Variants in PDE4B observed in about 807,000 individuals in gnomAD.
PDE4B encodes phosphodiesterase 4B, also known as 3',5'-cyclic-AMP phosphodiesterase 4B.
PDE4B carries 20 observed loss-of-function variants against 82.2 expected under a neutral mutation model. The ratio of observed to expected loss-of-function variants is 0.24; its 90% CI spans 0.17 to 0.35. The LOEUF (loss-of-function observed/expected upper bound fraction) is 0.35. Ranked by LOEUF, PDE4B falls within the 10% of genes least tolerant of loss-of-function variation. The pLI, the probability that PDE4B is intolerant of heterozygous loss-of-function variation, is 1.00. For missense variants in PDE4B, 655 were observed against 907.2 expected (o/e 0.72, Z 3.57); for synonymous variants, 320 against 318.9 (o/e 1.00, Z -0.04).
At chr1:65,883,607 G>T (rs1270030985) in intron 1 of PDE4B, among the ~76,000 whole-genome samples, 4 of 152,230 alleles carry the variant, frequency 2.6e-5, no homozygotes, top group Admixed American at 1.3e-4. Flanking sequence ...TGCAAACAGG[G>T]AGAATTTGAC....
chr1:65,945,129 T>C (rs944327241), intron 3 of PDE4B, among the ~76,000 whole-genome samples: 1 of 151,986 alleles, frequency 6.6e-6, no homozygotes, highest in African/African-American at 2.4e-5. Context: ...TAGAACCACA[T>C]AATGGCTATT....
rs566782139 is a variant in PDE4B, at chr1:66,176,375, G to A, written c.282-71085G>A. On this transcript the variant is annotated intron_variant, in intron 3 of 16. Transcript: ENST00000341517. Reference sequence around the variant, plus strand: ...TCCACTCTTGGAACATTCCCTGCCTGAGATCACAGCTACCCAAAGCAAGCT... The same window carrying A: ...TCCACTCTTGGAACATTCCCTGCCTAAGATCACAGCTACCCAAAGCAAGCT... Among the ~76,000 whole-genome samples, 108 of 152,332 alleles carry A rather than the reference G, an allele frequency of 7.1e-4. 1 individual carries two copies. Among genetic ancestry groups the A allele is most frequent in the African/African-American group, 2.5e-3 (103 of 41,572 alleles).
At chr1:66,101,697 A>C (rs1420502145) in intron 3 of PDE4B, among the ~76,000 whole-genome samples, 2 of 151,706 alleles carry the variant, frequency 1.3e-5, no homozygotes, top group African/African-American at 2.4e-5. Context: ...TTTTCTTGTT[A>C]ATTTGTTTGA....
At chr1:66,169,670 T>C (rs1310984879) in intron 3 of PDE4B, among the ~76,000 whole-genome samples, 1 of 152,120 alleles carries the variant, frequency 6.6e-6, no homozygotes, top group Non-Finnish European at 1.5e-5. Context: ...ATTTGATTAA[T>C]CAGATCACTG....
chr1:66,150,914 T>C (rs917481216), intron 3 of PDE4B, among the ~76,000 whole-genome samples: 1 of 152,176 alleles, frequency 6.6e-6, no homozygotes, highest in Non-Finnish European at 1.5e-5. Flanking sequence ...TGCTTTTATA[T>C]GCTGCTGTAT....
chr1:66,158,988 C>T (rs1253384510), intron 3 of PDE4B, among the ~76,000 whole-genome samples: 1 of 152,152 alleles, frequency 6.6e-6, no homozygotes, highest in Non-Finnish European at 1.5e-5. Flanking sequence ...AGGGTACAAA[C>T]TTACAGTTAG....
At chr1:65,816,179 A>G (rs1301523085) in intron 1 of PDE4B, among the ~76,000 whole-genome samples, 1 of 123,622 alleles carries the variant, frequency 8.1e-6, no homozygotes, top group Non-Finnish European at 1.7e-5. Flanking sequence ...GTTTTTAGTG[A>G]TTATTAATGC....
At chr1:65,807,756 T>G (rs544256002) in intron 1 of PDE4B, among the ~76,000 whole-genome samples, 67 of 152,336 alleles carry the variant, frequency 4.4e-4, no homozygotes, top group African/African-American at 1.3e-3. Flanking sequence ...TTCAATGTGA[T>G]GTGGTGTCCT....
intron 3 of PDE4B, among the ~76,000 whole-genome samples, chr1:66,064,686 G>A (rs1500961): frequency 0.52 from 79,555 of 151,616 alleles, 20,980 homozygotes; most frequent in East Asian, 0.59. Context: ...TGGAAACTTA[G>A]GGTTGCAGTG....
intron 3 of PDE4B, among the ~76,000 whole-genome samples, chr1:66,038,358 T>C (rs1038531238): frequency 6.6e-6 from 1 of 152,162 alleles, no homozygotes; most frequent in Non-Finnish European, 1.5e-5. Flanking sequence ...ACCGAAGCCA[T>C]AGAACCACAT....
In PDE4B at chr1:66,354,098, A is replaced by G. The variant is rs906089717; in HGVS notation, c.748-1429A>G. On this transcript the variant is annotated intron_variant, in intron 8 of 16. Coordinates refer to ENST00000341517, the MANE Select transcript of PDE4B (RefSeq NM_002600.4). ...TGGCACACGCTTGGTGTGTGCGACA[A>G]ATAATCCTCCAAAAAGCTAGTTCAC... Among the ~76,000 whole-genome samples the G allele has an allele frequency of 2.6e-5, 4 of 152,232 alleles. No homozygotes were observed. In the East Asian group the frequency reaches 7.7e-4, roughly 29 times the overall value.
At chr1:65,998,765 G>T (rs1029146035) in intron 3 of PDE4B, among the ~76,000 whole-genome samples, 1 of 151,824 alleles carries the variant, frequency 6.6e-6, no homozygotes, top group East Asian at 1.9e-4. Context: ...AATCAGCAAA[G>T]GTGCATAGGA....
intron 3 of PDE4B, among the ~76,000 whole-genome samples, chr1:66,169,616 A>T (rs1368687024): frequency 1.3e-5 from 2 of 152,202 alleles, no homozygotes; most frequent in East Asian, 3.8e-4. Flanking sequence ...AGGAGGTTGG[A>T]TAGCTCCAAA....
intron 3 of PDE4B, among the ~76,000 whole-genome samples, chr1:66,081,736 A>G (rs1358237799): frequency 3.3e-5 from 5 of 151,968 alleles, no homozygotes; most frequent in Non-Finnish European, 7.4e-5. Flanking sequence ...TTTGCTCTGC[A>G]CGACAGGTGG....
intron 7 of PDE4B, among the ~76,000 whole-genome samples, chr1:66,282,311 A>G (rs1176516508): frequency 1.3e-5 from 2 of 152,190 alleles, no homozygotes; most frequent in Non-Finnish European, 2.9e-5. Context: ...CTTCCCTGAA[A>G]GACTTTTGGG....
intron 3 of PDE4B, among the ~76,000 whole-genome samples, chr1:66,182,294 C>T (rs948430349): frequency 1.1e-4 from 17 of 152,054 alleles, no homozygotes; most frequent in Middle Eastern, 3.4e-3. Flanking sequence ...CTTGGAAACA[C>T]GTCAGAATTC....
chr1:66,049,138 C>T lies in PDE4B; in HGVS notation c.281+130303C>T, dbSNP rs529362005. Among the ~76,000 whole-genome samples the T allele has an allele frequency of 3.3e-5, 5 of 152,078 alleles. 1 individual carries two copies. In the Middle Eastern group the frequency reaches 0.017, roughly 517 times the overall value. On this transcript the variant is annotated intron_variant, in intron 3 of 16. Coordinates refer to ENST00000341517, the MANE Select transcript of PDE4B (RefSeq NM_002600.4). ...GTAAGTGTAGAATAAGGAGATTAGG[C>T]TCTACTCTAAATTCTATTGTGAACC...
At chr1:66,132,017 A>G (rs1267921036) in intron 3 of PDE4B, among the ~76,000 whole-genome samples, 4 of 152,186 alleles carry the variant, frequency 2.6e-5, no homozygotes, top group Non-Finnish European at 5.9e-5. Context: ...AGAGCAAGTG[A>G]TGGGGAAGGT....
At chr1:66,350,974 T>C (rs1247727080) in intron 8 of PDE4B, among the ~76,000 whole-genome samples, 1 of 152,248 alleles carries the variant, frequency 6.6e-6, no homozygotes, top group Non-Finnish European at 1.5e-5. Context: ...AAGGAACTTA[T>C]TCCAAAAATC....
Sources: gnomAD v4.1 joint callset for allele counts (sites outside exome capture counted in the v4.1 genomes callset) on GRCh38, gnomAD v4.1.1 for gene constraint, MANE v1.5 for transcripts, NCBI Gene and HGNC (gene_info 2026-07-23, HGNC 2026-07-21) for gene names.